The following GNB1L variants were observed in gnomAD, a reference collection of about 807,000 sequenced individuals.
GNB1L encodes the protein G protein subunit beta 1 like.
GNB1L carries 20 observed loss-of-function variants against 29.1 expected under a neutral mutation model. That is an observed-to-expected ratio of 0.69 (90% CI 0.48 to 1.00). The LOEUF is 1.00. Among genes scored for constraint, GNB1L ranks in the 50% least tolerant of loss-of-function variants. GNB1L has a pLI of 0.00. For missense variants in GNB1L, 421 were observed against 464.9 expected (o/e 0.91, Z 0.87); for synonymous variants, 193 against 206.5 (o/e 0.93, Z 0.56).
intron 2 of GNB1L, among the ~76,000 whole-genome samples, chr22:19,838,665 T>TGGCCA (rs1021330273): frequency 6.6e-6 from 1 of 152,132 alleles, no homozygotes; most frequent in Non-Finnish European, 1.5e-5. Flanking sequence ...TTCACCATGT[T>TGGCCA]GGCCAGGATG....
At chr22:19,827,394 G>C (rs950412456) in intron 2 of GNB1L, among the ~76,000 whole-genome samples, 1 of 152,174 alleles carries the variant, frequency 6.6e-6, no homozygotes, top group Non-Finnish European at 1.5e-5. Context: ...TACTACACTT[G>C]CAGCTTTTCT....
intron 6 of GNB1L, among the ~76,000 whole-genome samples, chr22:19,803,637 C>A (rs1440192274): frequency 6.6e-6 from 1 of 152,234 alleles, no homozygotes; most frequent in Non-Finnish European, 1.5e-5. Flanking sequence ...GCCTTCTGCA[C>A]AGAAGCTCCT....
intron 2 of GNB1L, chr22:19,848,667 T>G: frequency 5.1e-6 from 5 of 985,452 alleles, no homozygotes; most frequent in Non-Finnish European, 6.0e-6. Context: ...TCCCAAGGAC[T>G]CTCAAGCCTG....
chr22:19,821,628 C>T (rs964311671), intron 2 of GNB1L, among the ~76,000 whole-genome samples: 1 of 152,220 alleles, frequency 6.6e-6, no homozygotes, highest in Non-Finnish European at 1.5e-5. Context: ...GCTGGGGGAA[C>T]TGGGAGCCCC....
intron 7 of GNB1L, chr22:19,793,181 C>A: frequency 1.2e-6 from 1 of 813,714 alleles, no homozygotes; most frequent in Non-Finnish European, 1.9e-6. Context: ...AAAGTGTATT[C>A]AAATAATTAC....
intron 7 of GNB1L, among the ~76,000 whole-genome samples, chr22:19,801,508 T>C (rs969902312): frequency 5.9e-5 from 9 of 152,272 alleles, no homozygotes; most frequent in South Asian, 2.1e-4. Flanking sequence ...GGAGACACCA[T>C]GGGAAGATCT....
At chr22:19,803,637 C>G (rs1440192274) in intron 6 of GNB1L, among the ~76,000 whole-genome samples, 5 of 152,234 alleles carry the variant, frequency 3.3e-5, no homozygotes, top group Non-Finnish European at 7.4e-5. Flanking sequence ...GCCTTCTGCA[C>G]AGAAGCTCCT....
At chr22:19,806,574 G>C (rs573044188) in intron 6 of GNB1L, 85 bp downstream of exon 6, 8 of 840,384 alleles carry the variant, frequency 9.5e-6, no homozygotes, top group East Asian at 2.7e-5. Flanking sequence ...TGAGTGGCTC[G>C]ACGATAAATC....
At chr22:19,793,875 A>C (rs1937277946) in intron 7 of GNB1L, among the ~76,000 whole-genome samples, 3 of 152,260 alleles carry the variant, frequency 2.0e-5, no homozygotes, top group Admixed American at 2.0e-4. Context: ...GCAGAATTGC[A>C]CTACAAAAAA....
chr22:19,812,396 G>C lies in GNB1L; in HGVS notation c.306C>G (p.Ser102Arg). ...CCAAGCACACGGAGTCCACGACAGC[G>C]CTCCTGCCCTCCGCGAGGTCCCACA... is the stretch of plus-strand genomic sequence containing the variant. ...LCLWDLAEGRSAVVDSVCLES... is the reference protein window; with the variant it reads ...LCLWDLAEGRRAVVDSVCLES... Residue 102 changes from serine to arginine, a missense_variant, in exon 5 of 8, where the codon AGC (serine) becomes AGG (arginine). By Grantham distance (110) the Ser-to-Arg change is moderately radical. Coordinates refer to ENST00000329517, the MANE Select transcript of GNB1L (RefSeq NM_053004.3). 6.2e-7 allele frequency: 1 copy of C among 1,613,304 alleles called. No homozygotes were observed. Among genetic ancestry groups the C allele is most frequent in the African/African-American group, 1.3e-5 (1 of 75,072 alleles).
At chr22:19,819,184 C>T (rs995350581) in intron 4 of GNB1L, among the ~76,000 whole-genome samples, 16 of 152,242 alleles carry the variant, frequency 1.1e-4, no homozygotes, top group Admixed American at 2.0e-4. Context: ...GGCCGCAGCA[C>T]GTGGGGTCTC....
chr22:19,832,909 C>A (rs1157027403), intron 2 of GNB1L, among the ~76,000 whole-genome samples: 1 of 152,214 alleles, frequency 6.6e-6, no homozygotes. Context: ...AAGTCTCAGG[C>A]TGAGCCCTGG....
chr22:19,850,637 T>C (rs1031790145), intron 2 of GNB1L: 8 of 1,223,978 alleles, frequency 6.5e-6, no homozygotes, highest in Non-Finnish European at 7.1e-6. Flanking sequence ...AGAATCAAAG[T>C]GGCCACTTCC....
chr22:19,813,023 G>A (rs186191901), intron 4 of GNB1L, among the ~76,000 whole-genome samples: 3 of 152,352 alleles, frequency 2.0e-5, no homozygotes, highest in Admixed American at 2.0e-4. Context: ...ACCAGTGGTG[G>A]CTCATGGGCC....
chr22:19,818,482 C>T (rs529503597), intron 4 of GNB1L, among the ~76,000 whole-genome samples: 3 of 152,322 alleles, frequency 2.0e-5, no homozygotes, highest in South Asian at 4.1e-4. Flanking sequence ...CATGACCACA[C>T]GGGGCTCTGC....
At chr22:19,793,334 G>T (rs985701869) in intron 7 of GNB1L, among the ~76,000 whole-genome samples, 21 of 151,918 alleles carry the variant, frequency 1.4e-4, no homozygotes, top group Admixed American at 3.3e-4. Flanking sequence ...CAGTAGATTG[G>T]AAATATATAT....
chr22:19,827,207 G>A (rs1375487835), intron 2 of GNB1L, among the ~76,000 whole-genome samples: 6 of 152,056 alleles, frequency 3.9e-5, no homozygotes, highest in Non-Finnish European at 7.4e-5. Context: ...AGATACATCC[G>A]AAAGTATTTA....
At chr22:19,850,809 G>C in intron 2 of GNB1L, 1 of 1,294,178 alleles carries the variant, frequency 7.7e-7, no homozygotes, top group Non-Finnish European at 9.8e-7. Context: ...AGACACCAAG[G>C]GGGGTGTTTT....
chr22:19,821,142 C>T, intron 3 of GNB1L, 86 bp downstream of exon 3: 2 of 1,383,898 alleles, frequency 1.4e-6, no homozygotes, highest in East Asian at 4.6e-5. Context: ...TGGCCAGCAC[C>T]CTCAAACAAG....
Sources: allele counts gnomAD v4.1 joint callset (sites outside exome capture counted in the v4.1 genomes callset), GRCh38; gene constraint gnomAD v4.1.1; transcripts MANE v1.5; gene names NCBI Gene and HGNC (gene_info 2026-07-23, HGNC 2026-07-21).